Variants in GNB5 observed in about 807,000 individuals in gnomAD.
GNB5 encodes the protein G protein subunit beta 5.
GNB5 carries 37 observed loss-of-function variants against 55.3 expected under a neutral mutation model. That is an observed-to-expected ratio of 0.67 (90% confidence interval 0.51 to 0.88). GNB5 has a LOEUF of 0.88. Ranked by LOEUF, GNB5 falls within the 40% of genes least tolerant of loss-of-function variation. GNB5 has a pLI of 0.00. For synonymous variants in GNB5, 219 were observed against 198.5 expected, an observed-to-expected ratio of 1.10 and a Z score of -0.87; for missense variants, 476 against 515.3, an observed-to-expected ratio of 0.92 and a Z score of 0.74.
chr15:52,144,450 A>C (rs1275859815), intron 6 of GNB5: 1 of 152,210 alleles, frequency 6.6e-6, no homozygotes, highest in Non-Finnish European at 1.5e-5. Flanking sequence ...CTAGGATATA[A>C]AAAAATGTGG....
At chr15:52,129,352 C>T (rs773718971) in intron 9 of GNB5, among the ~76,000 whole-genome samples, 11 of 152,044 alleles carry the variant, frequency 7.2e-5, no homozygotes, top group South Asian at 4.2e-4. Flanking sequence ...CTCCTACCAG[C>T]GGGAGGTGAG....
intron 4 of GNB5, among the ~76,000 whole-genome samples, chr15:52,153,393 A>G (rs1017325074): frequency 3.9e-5 from 6 of 152,222 alleles, no homozygotes; most frequent in Admixed American, 1.3e-4. Flanking sequence ...GAACCACCCA[A>G]TGGAGCCACT....
chr15:52,167,328 C>A (rs2034469011), intron 3 of GNB5, among the ~76,000 whole-genome samples: 1 of 152,154 alleles, frequency 6.6e-6, no homozygotes, highest in African/African-American at 2.4e-5. Flanking sequence ...CTCATTTTAT[C>A]AGGTCAGCAT....
At chr15:52,124,148 T>C (rs956743980) in intron 12 of GNB5, among the ~76,000 whole-genome samples, 5 of 152,176 alleles carry the variant, frequency 3.3e-5, no homozygotes, top group Non-Finnish European at 5.9e-5. Context: ...TGGTTATCTG[T>C]GGTTTGCCAA....
intron 9 of GNB5, chr15:52,128,709 G>A (rs1423339758): frequency 2.2e-6 from 1 of 460,930 alleles, no homozygotes; most frequent in South Asian, 1.5e-5. Flanking sequence ...AAAAGTGAGA[G>A]TAATAATGCA....
Position 52,133,362 on chromosome 15 carries a change from C to T in GNB5, c.863+16G>A. The T allele has an allele frequency of 2.0e-6, 3 of 1,526,370 alleles. No individual in the cohort carries two copies. Among genetic ancestry groups the T allele is most frequent in the East Asian group, 2.2e-5 (1 of 44,464 alleles). The allele number at this position is 1,526,370 out of a possible 1,614,324, so 94.6% of individuals were successfully genotyped here. ...CGGCAGAACAGAGAGGTGGCATGAA[C>T]ATTCTACTCACTGACCGGACACTGT... On this transcript the variant is annotated intron_variant, in intron 9 of 12. Transcript: ENST00000261837.
At chr15:52,137,683 T>C (rs1263725929) in intron 7 of GNB5, 1 of 1,184,950 alleles carries the variant, frequency 8.4e-7, no homozygotes, top group Admixed American at 3.7e-5. Flanking sequence ...AGGCCTGGGC[T>C]CTGGCTGAGC....
chr15:52,184,586 G>A lies in GNB5; in HGVS notation c.91C>T (p.Gln31Ter), dbSNP rs1266283712. ...CATGTTGAACAGTAGCTGAGTTGTT[G>A]AGACTTCTTGAAAACTGGTCTCAGA... ...RALRPVFKKS[Q>*]QLSYCSTCAE... The change falls in exon 2 of 13, where the codon CAA becomes TAA. Residue 31 changes from glutamine (Q) to a stop codon, truncating the protein, a stop_gained. Coordinates refer to ENST00000261837, the MANE Select transcript of GNB5 (RefSeq NM_016194.4). LOFTEE classifies it high-confidence loss of function. 1.2e-6 allele frequency: 2 copies of A among 1,613,320 alleles called. No homozygotes were observed. The highest frequency in any genetic ancestry group is 4.5e-5 in the East Asian group (2 of 44,872).
rs766515492 is a variant in GNB5 at position 52,133,431 on chromosome 15, G to A, written c.810C>T (p.Ser270=). 1.8e-5 allele frequency: 29 copies of A among 1,613,066 alleles called. No homozygotes were observed. The highest frequency in any genetic ancestry group is 1.1e-4 in the South Asian group (10 of 91,064). Residue 270 remains serine (S), a synonymous_variant, in exon 9 of 13, where the codon TCC becomes TCT. Transcript: ENST00000261837. ...DKKAMVWDMR[S]GQCVQAFETH... is the part of the protein sequence containing the mutation. ...TTTCAAAGGCCTGCACGCACTGGCC[G>A]GAGCGCATGTCCCACACCATGGCTT... is the stretch of plus-strand genomic sequence containing the variant.
chr15:52,139,039 T>C (rs2033791842), intron 7 of GNB5: 1 of 152,182 alleles, frequency 6.6e-6, no homozygotes, highest in Admixed American at 6.5e-5. Context: ...CTTGAGTTTC[T>C]CTTTTATCAA....
intron 7 of GNB5, chr15:52,138,526 G>T (rs2033780961): frequency 6.6e-6 from 1 of 152,366 alleles, no homozygotes; most frequent in Non-Finnish European, 1.5e-5. Flanking sequence ...CCCTCAGGAG[G>T]CCTGCATACA....
At chr15:52,146,570 CTTTAT>C (rs557723805) in intron 6 of GNB5, among the ~76,000 whole-genome samples, 289 of 151,640 alleles carry the variant, frequency 1.9e-3, no homozygotes, top group Middle Eastern at 3.4e-3. Flanking sequence ...TCCTTTTCTG[CTTTAT>C]TTTATTTTTG....
In GNB5 at chr15:52,115,438, A is replaced by T. The variant is rs2033128530; in HGVS notation, c.*7319T>A. Reference sequence around the variant, plus strand: ...CAATCTCCCCATCTAAAAATGGGGCATCACGGGGCTGTCACAAGGATTACA... The same window carrying T: ...CAATCTCCCCATCTAAAAATGGGGCTTCACGGGGCTGTCACAAGGATTACA... On this transcript the variant is annotated 3_prime_UTR_variant, in exon 13 of 13. Coordinates refer to ENST00000261837, the MANE Select transcript of GNB5 (RefSeq NM_016194.4). 2 of 152,238 alleles carry T rather than the reference A, an allele frequency of 1.3e-5. No homozygotes were observed. Among genetic ancestry groups the T allele is most frequent in the African/African-American group, 4.8e-5 (2 of 41,452 alleles). 9.4% of individuals were successfully genotyped at this position (152,238 alleles called of 1,614,324 possible). A position where few individuals can be genotyped will look rare whatever the true frequency, so the allele number is the denominator to read the frequency against.
intron 9 of GNB5, chr15:52,128,514 G>C: frequency 3.2e-6 from 2 of 615,650 alleles, no homozygotes; most frequent in South Asian, 3.5e-5. Context: ...TATAAATATA[G>C]TTTCCCTCAA....
intron 3 of GNB5, among the ~76,000 whole-genome samples, chr15:52,173,182 G>A (rs1345605565): frequency 6.6e-6 from 1 of 152,188 alleles, no homozygotes; most frequent in East Asian, 1.9e-4. Context: ...ATGAATGAAA[G>A]TAATTTTAGA....
intron 3 of GNB5, among the ~76,000 whole-genome samples, chr15:52,160,237 T>C (rs12440354): frequency 0.16 from 24,489 of 152,230 alleles, 2,426 homozygotes; most frequent in Admixed American, 0.3. Flanking sequence ...CATGAGCCAC[T>C]GCGCCTGGCC....
chr15:52,126,105 C>T, intron 10 of GNB5, 61 bp from the exon 11 acceptor site: 3 of 789,320 alleles, frequency 3.8e-6, no homozygotes, highest in East Asian at 2.6e-5. Flanking sequence ...ACGTGATGAC[C>T]ACAGAGCTAC....
intron 11 of GNB5, chr15:52,124,853 A>C (rs1027141195): frequency 6.2e-6 from 3 of 482,034 alleles, no homozygotes; most frequent in Non-Finnish European, 1.1e-5. Context: ...GTAGCATCCC[A>C]TGGTAACAGC....
intron 9 of GNB5, among the ~76,000 whole-genome samples, chr15:52,132,500 T>A (rs1393402506): frequency 6.6e-6 from 1 of 151,498 alleles, no homozygotes; most frequent in Non-Finnish European, 1.5e-5. Flanking sequence ...TTTTTTTTTT[T>A]TTTTTGAGAC....
Sources: allele counts gnomAD v4.1 joint callset (sites outside exome capture counted in the v4.1 genomes callset), GRCh38; gene constraint gnomAD v4.1.1; transcripts MANE v1.5; gene names NCBI Gene and HGNC (gene_info 2026-07-23, HGNC 2026-07-21).